The following TRAF7 variants were observed in gnomAD, a reference collection of about 807,000 sequenced individuals.
TRAF7 encodes E3 ubiquitin-protein ligase TRAF7.
Under a neutral mutation model 89.3 loss-of-function variants are expected in TRAF7, and 45 were observed. The ratio of observed to expected loss-of-function variants is 0.50; its 90% CI spans 0.40 to 0.65. TRAF7 has a LOEUF of 0.65. Among genes scored for constraint, TRAF7 ranks in the 30% least tolerant of loss-of-function variants. TRAF7 has a pLI of 0.00. For missense variants in TRAF7, 677 were observed against 918.1 expected (o/e 0.74, Z 3.39); for synonymous variants, 406 against 369.2 (o/e 1.10, Z -1.14).
Position 2,168,130 on chromosome 16 carries a change from A to G in TRAF7, c.193A>G (p.Thr65Ala). 3.1e-6 allele frequency: 5 copies of G among 1,611,884 alleles called. No homozygotes were observed. The highest frequency in any genetic ancestry group is 4.2e-6 in the Non-Finnish European group (5 of 1,179,728). The part of the protein sequence containing the change: ...QHCRTPSSSS[T>A]LAYSPRDEED... ...CTGCAGGACACCCTCCTCCTCCAGC[A>G]CCCTTGCCTACTCCCCGCGGGACGA... Residue 65 changes from threonine (T) to alanine (A), a missense_variant, in exon 4 of 21, where the codon ACC becomes GCC. Around this residue, in one of 6 missense-constraint regions of TRAF7, gnomAD observed 240 missense variants for 191.9 expected, o/e 1.25. Transcript: ENST00000326181. The surrounding 1 kb of genome is among the most constrained non-coding windows in gnomAD (Gnocchi z 4.1).
chr16:2,159,450 C>T lies in TRAF7; in HGVS notation c.-39+3592C>T, dbSNP rs1198213961. On this transcript the variant is annotated intron_variant, in intron 1 of 20. Coordinates refer to ENST00000326181, the MANE Select transcript of TRAF7 (RefSeq NM_032271.3). This position sits in a 1 kb window ranked among gnomAD's most constrained non-coding sequence, Gnocchi z 6.5. ...GCCTATTTGGGATGGAAAAAACGTT[C>T]TAAGGGACGTCAGGGAACAGCGGCG... 6.6e-6 allele frequency among the ~76,000 whole-genome samples: 1 copy of T among 152,220 alleles called. No homozygotes were observed. Among genetic ancestry groups the T allele is most frequent in the Non-Finnish European group, 1.5e-5 (1 of 68,030 alleles).
At chr16:2,165,346 G>A (rs1311180490) in intron 2 of TRAF7, among the ~76,000 whole-genome samples, 11 of 136,024 alleles carry the variant, frequency 8.1e-5, no homozygotes, top group African/African-American at 8.6e-5. Flanking sequence ...TGGTCGCATG[G>A]TTAAGCGTGT....
rs1469233205 is a variant in TRAF7, at chr16:2,162,963, G to A, written c.-38-920G>A. ...GAGGGGCGCCTGCTGACAGAGCCTG[G>A]TGCCTCACGGGGGGAGAGTGGGCGT... On this transcript the variant is annotated intron_variant, in intron 1 of 20. Transcript: ENST00000326181. This position sits in a 1 kb window ranked among gnomAD's most constrained non-coding sequence, Gnocchi z 5.0. 6.6e-6 allele frequency among the ~76,000 whole-genome samples: 1 copy of A among 151,210 alleles called. No individual in the cohort carries two copies.
intron 3 of TRAF7, among the ~76,000 whole-genome samples, chr16:2,166,759 C>T (rs183461339): frequency 6.6e-6 from 1 of 152,384 alleles, no homozygotes; most frequent in African/African-American, 2.4e-5. Context: ...AAACCTGAAG[C>T]TTCCCTGCTG....
intron 2 of TRAF7, among the ~76,000 whole-genome samples, chr16:2,164,684 T>G (rs35820): frequency 1.7e-5 from 1 of 58,602 alleles, no homozygotes; most frequent in Non-Finnish European, 3.4e-5. Context: ...GCGGCCTGGT[T>G]GCATGGTTAA....
Position 2,175,538 on chromosome 16 carries a change from G to A in TRAF7, c.1542G>A (p.Lys514=), listed in dbSNP as rs2141294864. 6.2e-7 allele frequency: 1 copy of A among 1,613,232 alleles called. No homozygotes were observed. The highest frequency in any genetic ancestry group is 8.5e-7 in the Non-Finnish European group (1 of 1,179,980). ...DIVGTELKLK[K]ELTGLNHWVR... ...TGGGCACTGAGCTGAAGTTGAAGAA[G>A]GAGCTCACAGGCCTCAACCACTGGG... The change falls in exon 17 of 21, where the codon AAG becomes AAA. Residue 514 remains lysine, a synonymous_variant. Coordinates refer to ENST00000326181, the MANE Select transcript of TRAF7 (RefSeq NM_032271.3).
intron 14 of TRAF7, 132 bp downstream of exon 14, chr16:2,174,465 C>T (rs2093127131): frequency 1.3e-6 from 1 of 786,848 alleles, no homozygotes; most frequent in Non-Finnish European, 2.0e-6. Flanking sequence ...CACCCTCCAC[C>T]CGGAGCAGCA....
Position 2,176,550 on chromosome 16 carries a change from T to C in TRAF7, c.1999-10T>C, listed in dbSNP as rs759164625. On this transcript the variant is annotated splice_polypyrimidine_tract_variant and intron_variant, in intron 20 of 20. Transcript: ENST00000326181. ...CAGGACATCCTGGTGAAGCAGCCCT[T>C]TCTCTGCAGGTTTGGACTTGCTAAC... The C allele has an allele frequency of 6.2e-7, 1 of 1,613,320 alleles. No individual in the cohort carries two copies. Among genetic ancestry groups the C allele is most frequent in the South Asian group, 1.1e-5 (1 of 91,082 alleles).
At chr16:2,165,370 C>A (rs2093080726) in intron 2 of TRAF7, among the ~76,000 whole-genome samples, 1 of 139,800 alleles carries the variant, frequency 7.2e-6, no homozygotes, top group Non-Finnish European at 1.5e-5. Flanking sequence ...TGCTGCGTGG[C>A]GCGGCCTGGT....
chr16:2,173,101 T>C lies in TRAF7; in HGVS notation c.795-81T>C, dbSNP rs1250415215. On this transcript the variant is annotated intron_variant, in intron 9 of 20. Coordinates refer to ENST00000326181, the MANE Select transcript of TRAF7 (RefSeq NM_032271.3). ...ACCTGGGGTGCAGCGGCCACAGGGC[T>C]GGAGCATTTGAGGGGGATTCTTGGG... The C allele has an allele frequency of 5.1e-6, 7 of 1,364,150 alleles. No individual in the cohort carries two copies. The South Asian group carries it at 7.5e-5, about 15-fold the overall frequency. The allele number at this position is 1,364,150 out of a possible 1,614,324, so 84.5% of individuals were successfully genotyped here.
At chr16:2,175,458 G>C (rs756726938) in intron 16 of TRAF7, 41 bp downstream of exon 16, 5 of 1,612,288 alleles carry the variant, frequency 3.1e-6, no homozygotes, top group Non-Finnish European at 4.2e-6. Context: ...TCACTGAGGC[G>C]TCCCTTGCCC....
At chr16:2,169,728 C>G (rs548201684) in intron 4 of TRAF7, among the ~76,000 whole-genome samples, 1 of 152,226 alleles carries the variant, frequency 6.6e-6, no homozygotes. Context: ...CCTTCTGTTC[C>G]CCATGTGCTG....
At chr16:2,166,420 G>GT (rs1567248934) in intron 3 of TRAF7, among the ~76,000 whole-genome samples, 1 of 152,108 alleles carries the variant, frequency 6.6e-6, no homozygotes, top group Admixed American at 6.6e-5. Context: ...AGTCTGGTTT[G>GT]TTTTTTTGAG....
rs552777842 is a variant in TRAF7 at position 2,161,326 on chromosome 16, G to C, written c.-38-2557G>C. ...CCACAGATCCTGTGGTGTTGTCCCCGTGGCCCGGCTGCTGTTGGCCAGCTG... is the reference window on the plus strand; with the variant it reads ...CCACAGATCCTGTGGTGTTGTCCCCCTGGCCCGGCTGCTGTTGGCCAGCTG... On this transcript the variant is annotated intron_variant, in intron 1 of 20. Coordinates refer to ENST00000326181, the MANE Select transcript of TRAF7 (RefSeq NM_032271.3). This position sits in a 1 kb window ranked among gnomAD's most constrained non-coding sequence, Gnocchi z 5.2. Among the ~76,000 whole-genome samples the C allele has an allele frequency of 6.6e-6, 1 of 151,628 alleles. No homozygotes were observed. Among genetic ancestry groups the C allele is most frequent in the Admixed American group, 6.6e-5 (1 of 15,234 alleles).
intron 5 of TRAF7, 148 bp from the exon 6 acceptor site, chr16:2,171,116 G>GC: frequency 1.5e-6 from 1 of 659,988 alleles, no homozygotes. Flanking sequence ...CCCCGATCAA[G>GC]CCCCCCAGCT....
rs139483392 is a variant in TRAF7, at chr16:2,175,385, G to C, written c.1471G>C (p.Val491Leu). The change falls in exon 16 of 21, where the codon GTG (valine) becomes CTG (leucine). Residue 491 changes from valine to leucine, a missense_variant. Physicochemically the swap from Val to Leu is conservative, Grantham distance 32. Transcript: ENST00000326181. ...PVCTLVSSHNVLFSGSLKAIK... is the reference protein window; with the variant it reads ...PVCTLVSSHNLLFSGSLKAIK... ...GTGCACGCTGGTCTCCTCACACAAC[G>C]TGCTCTTCAGCGGCTCCCTGAAGGC... The C allele has an allele frequency of 1.9e-6, 3 of 1,613,622 alleles. No individual in the cohort carries two copies. In the Admixed American group the frequency reaches 5.0e-5, roughly 27 times the overall value.
chr16:2,171,621 G>T lies in TRAF7; in HGVS notation c.475+16G>T, dbSNP rs377112817. The T allele has an allele frequency of 1.2e-6, 2 of 1,613,170 alleles. No individual in the cohort carries two copies. Among genetic ancestry groups the T allele is most frequent in the African/African-American group, 1.3e-5 (1 of 75,044 alleles). Reference sequence around the variant, plus strand: ...TTGAAGTCAGGTAGGTTTGTGCCCCGGCCCAGGCCTGACGCCGACCGTGCC... The same window carrying T: ...TTGAAGTCAGGTAGGTTTGTGCCCCTGCCCAGGCCTGACGCCGACCGTGCC... On this transcript the variant is annotated intron_variant, in intron 7 of 20. Transcript: ENST00000326181.
intron 9 of TRAF7, 94 bp from the exon 10 acceptor site, chr16:2,173,088 G>A: frequency 1.7e-6 from 2 of 1,210,400 alleles, no homozygotes; most frequent in Non-Finnish European, 1.2e-6. Context: ...CTGGGGTGCA[G>A]CGGCCACAGG....
rs753936350 is a variant in TRAF7 at position 2,174,065 on chromosome 16, C to G, written c.1263+17C>G. On this transcript the variant is annotated intron_variant, in intron 13 of 20. Coordinates refer to ENST00000326181, the MANE Select transcript of TRAF7 (RefSeq NM_032271.3). ...ACCATCAAGGTGGGCAGGGTCCTAC[C>G]TCAGTCTCTGCAGCCTGGCTGGGCT... 1 of 1,612,088 alleles carries G rather than the reference C, an allele frequency of 6.2e-7. No individual in the cohort carries two copies. The highest frequency in any genetic ancestry group is 1.1e-5 in the South Asian group (1 of 91,060).
Sources: allele counts gnomAD v4.1 joint callset (sites outside exome capture counted in the v4.1 genomes callset), GRCh38; gene constraint gnomAD v4.1.1; regional missense constraint gnomAD v4.1.1; non-coding constraint Gnocchi (gnomAD v3.1); transcripts MANE v1.5; gene names NCBI Gene and HGNC (gene_info 2026-07-23, HGNC 2026-07-21).